Variants in SPEN observed in about 807,000 individuals in gnomAD.
The protein encoded by SPEN is msx2-interacting protein.
Under a neutral mutation model 269.9 loss-of-function variants are expected in SPEN, and 18 were observed. The observed-to-expected ratio is 0.07, with a 90% confidence interval of 0.05 to 0.10. SPEN has a LOEUF of 0.10. SPEN is among the 10% of genes least tolerant of loss of function. The probability of loss-of-function intolerance (pLI) is 1.00; values close to 1 mark genes in which losing one functional copy is unlikely to be tolerated. For synonymous variants in SPEN, 1,726 were observed against 1,765.7 expected (o/e 0.98, Z 0.56); for missense variants, 3,822 against 4,631.2 (o/e 0.83, Z 5.07).
chr1:15,891,707 C>G (rs2070790876), intron 3 of SPEN, among the ~76,000 whole-genome samples: 1 of 151,250 alleles, frequency 6.6e-6, no homozygotes, highest in Non-Finnish European at 1.5e-5. Context: ...CCAGGCTGGT[C>G]TAGGTCTCAT....
At chr1:15,859,797 A>G (rs1382882788) in intron 1 of SPEN, among the ~76,000 whole-genome samples, 6 of 149,982 alleles carry the variant, frequency 4.0e-5, no homozygotes, top group East Asian at 2.0e-4. Flanking sequence ...AAGACTTCTT[A>G]TTTCTGGAGA....
At chr1:15,923,981 T>G (rs2071143058) in intron 10 of SPEN, among the ~76,000 whole-genome samples, 1 of 152,202 alleles carries the variant, frequency 6.6e-6, no homozygotes, top group Non-Finnish European at 1.5e-5. Context: ...CTGGTGTTTT[T>G]AAATGAAAAA....
intron 10 of SPEN, among the ~76,000 whole-genome samples, 192 bp downstream of exon 10, chr1:15,922,541 A>G (rs751239443): frequency 1.9e-4 from 29 of 152,052 alleles, no homozygotes; most frequent in South Asian, 4.1e-4. Flanking sequence ...GGTAATTCCT[A>G]TGGGTTTGGA....
chr1:15,889,159 CTTTTCTTTTTT>C (rs2070766141), intron 3 of SPEN, among the ~76,000 whole-genome samples: 1 of 99,548 alleles, frequency 1.0e-5, no homozygotes, highest in African/African-American at 5.7e-5. Context: ...TCTTTCTTTT[CTTTTCTTTTTT>C]TTTTTTTTTT....
chr1:15,930,554 G>A lies in SPEN; in HGVS notation c.4314G>A (p.Lys1438=), dbSNP rs2071211130. Residue 1438 remains lysine, a synonymous_variant, in exon 11 of 15, where the codon AAG becomes AAA. Transcript: ENST00000375759. This position sits in a 1 kb window ranked among gnomAD's most constrained non-coding sequence, Gnocchi z 5.3. ...RNKFYSFALD[K]TITPDTKALL... is the part of the protein sequence containing the mutation. ...AATTTTACTCTTTTGCATTGGATAA[G>A]ACAATCACACCAGACACTAAAGCTT... 1.2e-6 allele frequency: 2 copies of A among 1,613,946 alleles called. No homozygotes were observed. Among genetic ancestry groups the A allele is most frequent in the African/African-American group, 1.3e-5 (1 of 74,898 alleles).
chr1:15,860,755 C>T (rs1291636370), intron 1 of SPEN, among the ~76,000 whole-genome samples: 2 of 151,630 alleles, frequency 1.3e-5, no homozygotes, highest in African/African-American at 4.8e-5. Flanking sequence ...GCACATGCCA[C>T]GATGCCTGGC....
chr1:15,869,989 C>T lies in SPEN; in HGVS notation c.84-2827C>T, dbSNP rs140445705. Among the ~76,000 whole-genome samples, 1,384 of 152,178 alleles carry T rather than the reference C, an allele frequency of 9.1e-3. 25 individuals are homozygous for T. Among genetic ancestry groups the T allele is most frequent in the African/African-American group, 0.032 (1,323 of 41,506 alleles). On this transcript the variant is annotated intron_variant, in intron 1 of 14. Transcript: ENST00000375759. ...GTTCAAGCGATTCTCCCGCTTTAGC[C>T]TCCTGAGTAGCTGGGATTACAGGCG...
chr1:15,935,877 G>C lies in SPEN; in HGVS notation c.9637G>C (p.Ala3213Pro). The C allele has an allele frequency of 6.2e-7, 1 of 1,613,486 alleles. No individual in the cohort carries two copies. ...VTAVSEQPRA[A>P]DGVVKVPPAS... The stretch of plus-strand genomic sequence containing the variant: ...GGCAGTCAGCGAGCAGCCCAGGGCC[G>C]CGGATGGGGTGGTGAAGGTGCCACC... Residue 3213 changes from alanine (A) to proline (P), a missense_variant, in exon 11 of 15, where the codon GCG (alanine) becomes CCG (proline). Around this residue, in one of 16 missense-constraint regions of SPEN, gnomAD observed 359 missense variants for 377.3 expected, o/e 0.95. Coordinates refer to ENST00000375759, the MANE Select transcript of SPEN (RefSeq NM_015001.3). The surrounding 1 kb of genome is among the most constrained non-coding windows in gnomAD (Gnocchi z 7.7).
In SPEN at chr1:15,940,059, TTGG is replaced by T. The variant is rs1557765540; in HGVS notation, c.*636_*638del. ...GAAGAGCAAACAGAAAGGTTTTCTC[TTGG>T]TGGGATATGCAGAACTTGGGATGTG... On this transcript the variant is annotated 3_prime_UTR_variant, in exon 15 of 15. Transcript: ENST00000375759. 4.4e-6 allele frequency: 1 copy of T among 225,148 alleles called. No homozygotes were observed. Among genetic ancestry groups the T allele is most frequent in the Non-Finnish European group, 8.8e-6 (1 of 113,092 alleles). 13.9% of individuals were successfully genotyped at this position (225,148 alleles called of 1,614,324 possible).
rs1331999916 is a variant in SPEN at position 15,932,349 on chromosome 1, G to T, written c.6109G>T (p.Ala2037Ser). 3 of 1,613,978 alleles carry T rather than the reference G, an allele frequency of 1.9e-6. No homozygotes were observed. Among genetic ancestry groups the T allele is most frequent in the Non-Finnish European group, 2.5e-6 (3 of 1,180,042 alleles). Reference protein sequence around the residue: ...SMEPKAAEEEAGSEQKRDRKD... With the variant: ...SMEPKAAEEESGSEQKRDRKD... The stretch of plus-strand genomic sequence containing the variant: ...GGAACCCAAGGCTGCTGAGGAGGAG[G>T]CAGGGAGTGAACAGAAACGTGACAG... The change falls in exon 11 of 15, where the codon GCA becomes TCA. Residue 2037 changes from alanine to serine, a missense_variant. By Grantham distance (99) the Ala-to-Ser change is moderately conservative. Around this residue, in one of 16 missense-constraint regions of SPEN, gnomAD observed 727 missense variants for 737.9 expected, o/e 0.99. Transcript: ENST00000375759. The surrounding 1 kb of genome is among the most constrained non-coding windows in gnomAD (Gnocchi z 4.2).
rs1215369183 is a variant in SPEN, at chr1:15,904,452, C to CAAAAAAAAAAAAAAAAAAAAAAAAAAA, written c.882-4844_882-4843insAAAAAAAAAAAAAAAAAAAAAAAAAAA. On this transcript the variant is annotated intron_variant, in intron 3 of 14. Coordinates refer to ENST00000375759, the MANE Select transcript of SPEN (RefSeq NM_015001.3). ...GGGCAATAAGAGCGAAACTCCATCT[C>CAAAAAAAAAAAAAAAAAAAAAAAAAAA]AAAAAAAAAAAAAAAAAAAAAAAAA... Among the ~76,000 whole-genome samples the CAAAAAAAAAAAAAAAAAAAAAAAAAAA allele has an allele frequency of 3.5e-4, 17 of 48,630 alleles. 1 individual carries two copies. The highest frequency in any genetic ancestry group is 6.8e-4 in the Admixed American group (2 of 2,952). 31.9% of individuals were successfully genotyped at this position (48,630 alleles called of 152,430 possible).
At chr1:15,857,687 T>C (rs1402221293) in intron 1 of SPEN, among the ~76,000 whole-genome samples, 1 of 41,192 alleles carries the variant, frequency 2.4e-5, no homozygotes, top group African/African-American at 7.6e-5. Flanking sequence ...CATAAAAAAA[T>C]TGTTTTTTTT....
At chr1:15,852,005 C>T (rs2070341167) in intron 1 of SPEN, among the ~76,000 whole-genome samples, 1 of 152,026 alleles carries the variant, frequency 6.6e-6, no homozygotes, top group African/African-American at 2.4e-5. Flanking sequence ...GAATGAGACC[C>T]ATTTAAAAAT....
rs1313658180 is a variant in SPEN, at chr1:15,937,963, G to A, written c.10661G>A (p.Arg3554Gln). The A allele has an allele frequency of 6.2e-7, 1 of 1,612,996 alleles. No individual in the cohort carries two copies. The highest frequency in any genetic ancestry group is 1.7e-5 in the Admixed American group (1 of 59,502). The change falls in exon 13 of 15, where the codon CGG becomes CAG. Residue 3554 changes from arginine to glutamine, a missense_variant. This residue lies in a region of SPEN where 103 missense variants were observed against 215.8 expected (regional missense o/e 0.48). Coordinates refer to ENST00000375759, the MANE Select transcript of SPEN (RefSeq NM_015001.3). The surrounding 1 kb of genome is among the most constrained non-coding windows in gnomAD (Gnocchi z 5.7). ...GPPLRIAQRMRLEATQLEGVA... is the reference protein window; with the variant it reads ...GPPLRIAQRMQLEATQLEGVA... ...CCACTAAGGATCGCCCAGAGGATGC[G>A]GCTGGAGGCAACGCAGCTGGAAGGG...
Position 15,939,690 on chromosome 1 carries a change from C to T in SPEN, c.*263C>T, listed in dbSNP as rs1341290380. On this transcript the variant is annotated 3_prime_UTR_variant, in exon 15 of 15. Coordinates refer to ENST00000375759, the MANE Select transcript of SPEN (RefSeq NM_015001.3). The surrounding 1 kb of genome is among the most constrained non-coding windows in gnomAD (Gnocchi z 4.1). ...TCGCAGACACCGGGGCTGGGTTTCT[C>T]TTTCCTCTTTTTGGAGAAAAGGAAC... The T allele has an allele frequency of 2.9e-6, 1 of 344,344 alleles. No homozygotes were observed. The highest frequency in any genetic ancestry group is 2.1e-5 in the African/African-American group (1 of 47,784). The allele number at this position is 344,344 out of a possible 1,614,324, so 21.3% of individuals were successfully genotyped here. A position where few individuals can be genotyped will look rare whatever the true frequency, so the allele number is the denominator to read the frequency against.
At chr1:15,924,115 G>A (rs1246205367) in intron 10 of SPEN, among the ~76,000 whole-genome samples, 2 of 152,162 alleles carry the variant, frequency 1.3e-5, no homozygotes, top group African/African-American at 4.8e-5. Flanking sequence ...AGTCAGGCTC[G>A]ATAGACTGTT....
chr1:15,935,964 G>GCCCCCCCC lies in SPEN; in HGVS notation c.9729_9730insCCCCCCCC (p.Thr3244ProfsTer43). ...TGCCAAGACACCAGATGCCAAAGCTGCCCCCACCCCCACCCCTGCCCCCGT... is the reference window on the plus strand; with the variant it reads ...TGCCAAGACACCAGATGCCAAAGCTGCCCCCCCCCCCCCACCCCCACCCCTGCCCCCGT... On this transcript the variant is annotated frameshift_variant, in exon 11 of 15. Coordinates refer to ENST00000375759, the MANE Select transcript of SPEN (RefSeq NM_015001.3). LOFTEE classifies it high-confidence loss of function. The surrounding 1 kb of genome is among the most constrained non-coding windows in gnomAD (Gnocchi z 7.7). The GCCCCCCCC allele has an allele frequency of 6.4e-7, 1 of 1,568,132 alleles. No homozygotes were observed. Among genetic ancestry groups the GCCCCCCCC allele is most frequent in the Non-Finnish European group, 8.6e-7 (1 of 1,158,964 alleles).
chr1:15,927,970 C>T (rs190110635), intron 10 of SPEN, 121 bp from the exon 11 acceptor site: 3 of 935,108 alleles, frequency 3.2e-6, no homozygotes, highest in Admixed American at 5.9e-5. Context: ...AATCATTTCA[C>T]AAATGATTAA....
chr1:15,928,626 A>T lies in SPEN; in HGVS notation c.2386A>T (p.Thr796Ser), dbSNP rs749597868. ...AAATGAAAAGACAGATAAAGAACGA[A>T]CTTTTGATCCGGAGAGAGTGGAGAG... Reference protein sequence around the residue: ...TKNEKTDKERTFDPERVERER... With the variant: ...TKNEKTDKERSFDPERVERER... Residue 796 changes from threonine to serine, a missense_variant, in exon 11 of 15, where the codon ACT becomes TCT. Physicochemically the swap from Thr to Ser is moderately conservative, Grantham distance 58. Coordinates refer to ENST00000375759, the MANE Select transcript of SPEN (RefSeq NM_015001.3). This position sits in a 1 kb window ranked among gnomAD's most constrained non-coding sequence, Gnocchi z 5.7. 1.4e-5 allele frequency: 23 copies of T among 1,613,860 alleles called. No individual in the cohort carries two copies. The East Asian group carries it at 4.2e-4, about 30-fold the overall frequency.
Sources: allele counts gnomAD v4.1 joint callset (sites outside exome capture counted in the v4.1 genomes callset), GRCh38; gene constraint gnomAD v4.1.1; regional missense constraint gnomAD v4.1.1; non-coding constraint Gnocchi (gnomAD v3.1); transcripts MANE v1.5; gene names NCBI Gene and HGNC (gene_info 2026-07-23, HGNC 2026-07-21).